FRMD3: variants seen among roughly 807,000 people sequenced by gnomAD.
FRMD3 encodes the protein FERM domain containing 3.
In FRMD3, 33 loss-of-function variants were observed where a neutral mutation model predicts 70.2. The observed-to-expected ratio is 0.47, with a 90% CI of 0.36 to 0.63. The LOEUF is 0.63. Among genes scored for constraint, FRMD3 ranks in the 20% least tolerant of loss-of-function variants. FRMD3 has a pLI of 0.00. For synonymous variants in FRMD3, 279 were observed against 255.9 expected (o/e 1.09, Z -0.86); for missense variants, 632 against 711.4 (o/e 0.89, Z 1.27).
chr9:83,404,608 G>A (rs1826045869), intron 1 of FRMD3, among the ~76,000 whole-genome samples: 1 of 151,924 alleles, frequency 6.6e-6, no homozygotes, highest in African/African-American at 2.4e-5. Context: ...ATACATTTAA[G>A]ACAAATATAA....
intron 1 of FRMD3, among the ~76,000 whole-genome samples, chr9:83,479,724 A>AG (rs1828510367): frequency 3.9e-5 from 2 of 51,880 alleles, no homozygotes; most frequent in Non-Finnish European, 7.3e-5. Context: ...AAGAAAGAAA[A>AG]GAAAGGGAAA....
intron 1 of FRMD3, among the ~76,000 whole-genome samples, chr9:83,488,745 C>A (rs913781691): frequency 6.6e-5 from 10 of 152,128 alleles, no homozygotes; most frequent in Non-Finnish European, 1.3e-4. Context: ...TTCCAAGTTC[C>A]CAGGCCTAAC....
At chr9:83,498,617 G>A (rs1354611839) in intron 1 of FRMD3, among the ~76,000 whole-genome samples, 2 of 152,144 alleles carry the variant, frequency 1.3e-5, no homozygotes, top group African/African-American at 4.8e-5. Context: ...CAAGAGACAA[G>A]TGTGACTGGT....
In FRMD3 at chr9:83,344,659, A is replaced by G. The variant is rs141846085; in HGVS notation, c.375-1372T>C. Among the ~76,000 whole-genome samples the G allele has an allele frequency of 5.2e-3, 795 of 151,928 alleles. 7 individuals carry two copies. Among genetic ancestry groups the G allele is most frequent in the Non-Finnish European group, 8.8e-3 (596 of 67,974 alleles). On this transcript the variant is annotated intron_variant, in intron 4 of 13. Coordinates refer to ENST00000304195, the MANE Select transcript of FRMD3 (RefSeq NM_174938.6). ...ACTTGGATTGGAATCTACACCATTGACTCTCTGGTTCTCAGGCCTTTGAAC... is the reference window on the plus strand; with the variant it reads ...ACTTGGATTGGAATCTACACCATTGGCTCTCTGGTTCTCAGGCCTTTGAAC...
intron 13 of FRMD3, among the ~76,000 whole-genome samples, chr9:83,255,243 T>C (rs531517609): frequency 6.6e-6 from 1 of 152,284 alleles, no homozygotes; most frequent in East Asian, 1.9e-4. Flanking sequence ...AATCAATAAC[T>C]GTAATTCATC....
At chr9:83,362,907 C>T (rs996383363) in intron 3 of FRMD3, among the ~76,000 whole-genome samples, 1 of 142,490 alleles carries the variant, frequency 7.0e-6, no homozygotes, top group South Asian at 2.4e-4. Context: ...TCCTTCCTCC[C>T]TTTCTTTCCT....
intron 1 of FRMD3, among the ~76,000 whole-genome samples, chr9:83,534,887 A>T (rs1313097723): frequency 6.6e-6 from 1 of 152,214 alleles, no homozygotes; most frequent in Non-Finnish European, 1.5e-5. Context: ...TTGTCCATTC[A>T]GATCATGAAT....
In FRMD3 at chr9:83,313,702, A is replaced by G. The variant is rs1012455861; in HGVS notation, c.642T>C (p.Ala214=). 1 of 1,614,154 alleles carries G rather than the reference A, an allele frequency of 6.2e-7. No individual in the cohort carries two copies. The highest frequency in any genetic ancestry group is 8.5e-7 in the Non-Finnish European group (1 of 1,179,974). ...PVAEFNLLLK[A]HTLETYGVDP... ...CCACCCCGTAGGTTTCCAAAGTGTG[A>G]GCTTTCAGGAGCAAGTTAAATTCAG... Residue 214 remains alanine (A), a synonymous_variant, in exon 7 of 14, where the codon GCT becomes GCC. Coordinates refer to ENST00000304195, the MANE Select transcript of FRMD3 (RefSeq NM_174938.6).
chr9:83,454,104 G>C (rs1318567201), intron 1 of FRMD3, among the ~76,000 whole-genome samples: 13 of 152,140 alleles, frequency 8.5e-5, no homozygotes, highest in Non-Finnish European at 2.9e-5. Context: ...GCTCTAGCTT[G>C]CTAAATATGG....
chr9:83,425,491 C>T (rs1021119697), intron 1 of FRMD3, among the ~76,000 whole-genome samples: 12 of 152,076 alleles, frequency 7.9e-5, no homozygotes, highest in South Asian at 6.2e-4. Flanking sequence ...TGAACTGGCC[C>T]GGGGAAACCT....
rs183298712 is a variant in FRMD3, at chr9:83,429,399, G to A, written c.148-39691C>T. 2.6e-5 allele frequency among the ~76,000 whole-genome samples: 4 copies of A among 152,102 alleles called. No homozygotes were observed. The East Asian group carries it at 5.8e-4, about 22-fold the overall frequency. On this transcript the variant is annotated intron_variant, in intron 1 of 13. Coordinates refer to ENST00000304195, the MANE Select transcript of FRMD3 (RefSeq NM_174938.6). The stretch of plus-strand genomic sequence containing the variant: ...TATTAATCCATCTCCAGCTTTCATC[G>A]CCCGTTTCTCCCTCTCCCTTTGATC...
At position 83,537,830 on chromosome 9, in the gene FRMD3, C is replaced by A. The variant is rs1275328645; in HGVS notation, c.147+255G>T. 6.6e-6 allele frequency among the ~76,000 whole-genome samples: 1 copy of A among 152,038 alleles called. No homozygotes were observed. Among genetic ancestry groups the A allele is most frequent in the East Asian group, 1.9e-4 (1 of 5,156 alleles). ...CGCCCCTAGCCCGGGCGCAGTGAGA[C>A]GCGCGCGCAGGGTGCACGCGAGGGG... On this transcript the variant is annotated intron_variant, in intron 1 of 13. Coordinates refer to ENST00000304195, the MANE Select transcript of FRMD3 (RefSeq NM_174938.6). The surrounding 1 kb of genome is among the most constrained non-coding windows in gnomAD (Gnocchi z 4.1).
At chr9:83,444,013 C>A (rs1827383744) in intron 1 of FRMD3, among the ~76,000 whole-genome samples, 2 of 152,198 alleles carry the variant, frequency 1.3e-5, no homozygotes, top group African/African-American at 4.8e-5. Context: ...AATTATATTT[C>A]TTTTATTTTT....
intron 3 of FRMD3, among the ~76,000 whole-genome samples, chr9:83,358,654 G>C (rs1424148639): frequency 6.7e-6 from 1 of 148,740 alleles, no homozygotes; most frequent in African/African-American, 2.5e-5. Flanking sequence ...TCACCTCCTT[G>C]GTTAGGTATA....
At chr9:83,423,315 G>A (rs1342186777) in intron 1 of FRMD3, among the ~76,000 whole-genome samples, 1 of 152,158 alleles carries the variant, frequency 6.6e-6, no homozygotes, top group Admixed American at 6.5e-5. Context: ...CAGGAATGCT[G>A]AGGCTCTTGC....
chr9:83,444,576 GC>G (rs1381130912), intron 1 of FRMD3, among the ~76,000 whole-genome samples: 2 of 152,274 alleles, frequency 1.3e-5, no homozygotes, highest in African/African-American at 4.8e-5. Flanking sequence ...GACGAAAATG[GC>G]CACAGAATGC....
chr9:83,413,911 A>G (rs1466656842), intron 1 of FRMD3, among the ~76,000 whole-genome samples: 1 of 152,232 alleles, frequency 6.6e-6, no homozygotes, highest in Non-Finnish European at 1.5e-5. Flanking sequence ...ACCCAATGTT[A>G]TAAGAATACA....
At chr9:83,395,455 T>C (rs1825786609) in intron 1 of FRMD3, among the ~76,000 whole-genome samples, 1 of 152,116 alleles carries the variant, frequency 6.6e-6, no homozygotes, top group Admixed American at 6.6e-5. Flanking sequence ...TACCCATTAG[T>C]AATTTTTTCT....
chr9:83,542,069 G>C (rs922108573), upstream of FRMD3, among the ~76,000 whole-genome samples: 13 of 152,068 alleles, frequency 8.5e-5, no homozygotes, highest in African/African-American at 3.1e-4. Context: ...ACAAACAGAG[G>C]ACATTTGAGT....
Sources: gnomAD v4.1 joint callset for allele counts (sites outside exome capture counted in the v4.1 genomes callset) on GRCh38, gnomAD v4.1.1 for gene constraint, Gnocchi (gnomAD v3.1) non-coding constraint, MANE v1.5 for transcripts, NCBI Gene and HGNC (gene_info 2026-07-23, HGNC 2026-07-21) for gene names.